The following SH3GLB2 variants were observed in gnomAD, a reference collection of about 807,000 sequenced individuals.
The protein encoded by SH3GLB2 is endophilin-B2.
SH3GLB2 carries 24 observed loss-of-function variants against 48.0 expected under a neutral mutation model. The observed-to-expected ratio is 0.50, with a 90% CI of 0.36 to 0.70. The LOEUF is 0.70. Among genes scored for constraint, SH3GLB2 ranks in the 30% least tolerant of loss-of-function variants. The probability of loss-of-function intolerance (pLI) is 0.00; values close to 1 mark genes in which losing one functional copy is unlikely to be tolerated. For missense variants in SH3GLB2, 425 were observed against 516.0 expected (o/e 0.82, Z 1.71); for synonymous variants, 227 against 207.6 (o/e 1.09, Z -0.80).
At chr9:129,013,994 C>T (rs1209184780) in intron 5 of SH3GLB2, 2 of 464,010 alleles carry the variant, frequency 4.3e-6, no homozygotes, top group Non-Finnish European at 4.3e-6. Context: ...AGGTTTTCCA[C>T]ACCATCGTGG....
At chr9:129,019,573 G>T (rs1843651293) in intron 3 of SH3GLB2, among the ~76,000 whole-genome samples, 1 of 151,278 alleles carries the variant, frequency 6.6e-6, no homozygotes. Flanking sequence ...GGGAGTGGTG[G>T]TGGGCGTGTG....
chr9:129,013,086 A>G, intron 5 of SH3GLB2: 1 of 1,536,330 alleles, frequency 6.5e-7, no homozygotes. Context: ...TCCACAGCGC[A>G]GGCAGGAGCA....
chr9:129,015,103 A>C (rs1417918889), intron 3 of SH3GLB2, among the ~76,000 whole-genome samples, 199 bp from the exon 4 acceptor site: 3 of 152,210 alleles, frequency 2.0e-5, no homozygotes, highest in African/African-American at 4.8e-5. Flanking sequence ...GACAGCCAAA[A>C]TATGGAACAC....
At chr9:129,012,880 G>A (rs2131246074) in intron 5 of SH3GLB2, 1 of 1,218,340 alleles carries the variant, frequency 8.2e-7, no homozygotes, top group South Asian at 1.3e-5. Context: ...CTGCACAGTA[G>A]AGGCTCTGGC....
In SH3GLB2 at chr9:129,007,432, C is replaced by T. The variant is rs980147896; in HGVS notation, c.*1252G>A. 6 of 152,208 alleles carry T rather than the reference C, an allele frequency of 3.9e-5. No homozygotes were observed. Among genetic ancestry groups the T allele is most frequent in the Non-Finnish European group, 5.9e-5 (4 of 68,060 alleles). 9.4% of individuals were successfully genotyped at this position (152,208 alleles called of 1,614,324 possible). ...CCCGTGCCCCCGTCATCCCCCGATCCCCTCTTCAGAAGCCCCAACAGTGGG... is the reference window on the plus strand; with the variant it reads ...CCCGTGCCCCCGTCATCCCCCGATCTCCTCTTCAGAAGCCCCAACAGTGGG... On this transcript the variant is annotated 3_prime_UTR_variant, in exon 11 of 11. Coordinates refer to ENST00000372564, the MANE Select transcript of SH3GLB2 (RefSeq NM_020145.4).
intron 3 of SH3GLB2, among the ~76,000 whole-genome samples, chr9:129,016,724 C>T (rs79335418): frequency 0.031 from 4,778 of 151,766 alleles, 230 homozygotes; most frequent in African/African-American, 0.11. Flanking sequence ...GCAGTAACCA[C>T]GAGAGAGTTA....
intron 6 of SH3GLB2, 173 bp from the exon 7 acceptor site, chr9:129,010,866 G>A (rs1843080390): frequency 2.8e-6 from 2 of 725,010 alleles, no homozygotes; most frequent in Non-Finnish European, 4.6e-6. Flanking sequence ...GGAGCTGGGG[G>A]CTGGCGGTCC....
At position 129,007,146 on chromosome 9, in the gene SH3GLB2, G is replaced by C. The variant is rs542805663; in HGVS notation, c.*1538C>G. ...CCCAGGGATGACAACGTGGCTCTCA[G>C]AACCTAGAAAACTCCCCTGGCCAGG... On this transcript the variant is annotated 3_prime_UTR_variant, in exon 11 of 11. Transcript: ENST00000372564. 6 of 152,686 alleles carry C rather than the reference G, an allele frequency of 3.9e-5. No homozygotes were observed. Among genetic ancestry groups the C allele is most frequent in the African/African-American group, 1.4e-4 (6 of 41,590 alleles). The allele number at this position is 152,686 out of a possible 1,614,324, so 9.5% of individuals were successfully genotyped here.
chr9:129,012,112 G>C (rs1344410521), intron 6 of SH3GLB2, 124 bp downstream of exon 6: 3 of 541,388 alleles, frequency 5.5e-6, no homozygotes, highest in Admixed American at 4.4e-5. Context: ...GGACTGACCT[G>C]ATCACATGGC....
At chr9:129,022,725 T>G (rs1359685214) in intron 1 of SH3GLB2, among the ~76,000 whole-genome samples, 1 of 152,174 alleles carries the variant, frequency 6.6e-6, no homozygotes, top group Non-Finnish European at 1.5e-5. Flanking sequence ...CACAGCTTAG[T>G]GCGGTGAGGA....
Position 129,008,640 on chromosome 9 carries a change from C to T in SH3GLB2, c.*44G>A, listed in dbSNP as rs764260901. On this transcript the variant is annotated 3_prime_UTR_variant, in exon 11 of 11. Coordinates refer to ENST00000372564, the MANE Select transcript of SH3GLB2 (RefSeq NM_020145.4). ...GTTAAGTGGCAGGGCTGCGCCCATC[C>T]TCTCCTGCCTAGGCCAGAATGCGGG... 6.7e-7 allele frequency: 1 copy of T among 1,485,898 alleles called. No individual in the cohort carries two copies. The highest frequency in any genetic ancestry group is 1.4e-5 in the African/African-American group (1 of 72,562). 92.0% of individuals were successfully genotyped at this position (1,485,898 alleles called of 1,614,324 possible).
Position 129,014,102 on chromosome 9 carries a change from C to T in SH3GLB2, c.561+309G>A, listed in dbSNP as rs564637153. ...GCCCGGGCAGAGCCGGGGACAGAGC[C>T]GAGCATCTAGGAGGGCAGGGCAGGG... On this transcript the variant is annotated intron_variant, in intron 5 of 10. Coordinates refer to ENST00000372564, the MANE Select transcript of SH3GLB2 (RefSeq NM_020145.4). This position sits in a 1 kb window ranked among gnomAD's most constrained non-coding sequence, Gnocchi z 4.1. 66 of 604,086 alleles carry T rather than the reference C, an allele frequency of 1.1e-4. No individual in the cohort carries two copies. Among genetic ancestry groups the T allele is most frequent in the Non-Finnish European group, 1.8e-4 (58 of 322,524 alleles). The allele number at this position is 604,086 out of a possible 1,614,324, so 37.4% of individuals were successfully genotyped here.
At chr9:129,009,588 CCGT>C in intron 9 of SH3GLB2, 180 bp downstream of exon 9, 1 of 1,521,008 alleles carries the variant, frequency 6.6e-7, no homozygotes, top group Non-Finnish European at 8.9e-7. Context: ...GGGGACTTGG[CCGT>C]CAGTAAGGCC....
At position 129,027,227 on chromosome 9, in the gene SH3GLB2, T is replaced by C. The variant is rs564689525; in HGVS notation, c.63+865A>G. Reference sequence around the variant, plus strand: ...GCTGCACAGGTGCAATATTAACCACTTTGACACCAATAATGAGCTTGCCTT... The same window carrying C: ...GCTGCACAGGTGCAATATTAACCACCTTGACACCAATAATGAGCTTGCCTT... On this transcript the variant is annotated intron_variant, in intron 1 of 10. Coordinates refer to ENST00000372564, the MANE Select transcript of SH3GLB2 (RefSeq NM_020145.4). Among the ~76,000 whole-genome samples, 3 of 152,270 alleles carry C rather than the reference T, an allele frequency of 2.0e-5. No homozygotes were observed. The East Asian group carries it at 5.8e-4, about 29-fold the overall frequency.
At position 129,014,539 on chromosome 9, in the gene SH3GLB2, G is replaced by T; in HGVS notation, c.469-36C>A. 6.5e-7 allele frequency: 1 copy of T among 1,545,664 alleles called. No individual in the cohort carries two copies. On this transcript the variant is annotated intron_variant, in intron 4 of 10. Transcript: ENST00000372564. This position sits in a 1 kb window ranked among gnomAD's most constrained non-coding sequence, Gnocchi z 4.1. ...GGGCATGGGGACAGTGAGACCCTGG[G>T]CTGCCCTGGGAGACCCTGAGCCATG...
intron 3 of SH3GLB2, among the ~76,000 whole-genome samples, chr9:129,018,683 G>A (rs997843439): frequency 4.0e-5 from 6 of 151,018 alleles, no homozygotes; most frequent in African/African-American, 1.5e-4. Context: ...CACGAGGTCA[G>A]GAGTTCAAGA....
chr9:129,012,678 C>A, intron 5 of SH3GLB2: 1 of 486,432 alleles, frequency 2.1e-6, no homozygotes, highest in Non-Finnish European at 3.6e-6. Context: ...AGCCCACCCC[C>A]AACTGGGATG....
rs974161153 is a variant in SH3GLB2 at position 129,022,192 on chromosome 9, G to A, written c.205+90C>T. 22 of 1,533,456 alleles carry A rather than the reference G, an allele frequency of 1.4e-5. No homozygotes were observed. Among genetic ancestry groups the A allele is most frequent in the Middle Eastern group, 2.4e-4 (1 of 4,214 alleles). 95.0% of individuals were successfully genotyped at this position (1,533,456 alleles called of 1,614,324 possible). On this transcript the variant is annotated intron_variant, in intron 2 of 10. Transcript: ENST00000372564. ...TAGCTGAAACCCCGGCTGCAGCCCC[G>A]CCCCACCTATGCCACAACAGGGCCA...
chr9:129,018,568 C>G (rs1000960869), intron 3 of SH3GLB2, among the ~76,000 whole-genome samples: 2 of 146,190 alleles, frequency 1.4e-5, no homozygotes, highest in Non-Finnish European at 1.5e-5. Context: ...CAGAGAGAGA[C>G]TCCGTCTCAA....
Sources: gnomAD v4.1 joint callset for allele counts (sites outside exome capture counted in the v4.1 genomes callset) on GRCh38, gnomAD v4.1.1 for gene constraint, Gnocchi (gnomAD v3.1) non-coding constraint, MANE v1.5 for transcripts, NCBI Gene and HGNC (gene_info 2026-07-23, HGNC 2026-07-21) for gene names.